Variants in MYH10 observed in about 807,000 individuals in gnomAD.
MYH10 encodes myosin-10.
In MYH10, 55 loss-of-function variants were observed where a neutral mutation model predicts 257.8. That is an observed-to-expected ratio of 0.21 (90% CI 0.17 to 0.27). The LOEUF is 0.27. MYH10 is among the 10% of genes least tolerant of loss of function. The probability of loss-of-function intolerance (pLI) is 1.00; values close to 1 mark genes in which losing one functional copy is unlikely to be tolerated. For missense variants in MYH10, 1,631 were observed against 2,500.6 expected, an observed-to-expected ratio of 0.65 and a Z score of 7.42; for synonymous variants, 854 against 921.7, an observed-to-expected ratio of 0.93 and a Z score of 1.33.
intron 36 of MYH10, 74 bp downstream of exon 36, chr17:8,487,359 A>ACT: frequency 6.4e-7 from 1 of 1,558,534 alleles, no homozygotes; most frequent in Non-Finnish European, 8.8e-7. Context: ...CCCCAGCTTC[A>ACT]CTGCTGGACT....
intron 19 of MYH10, among the ~76,000 whole-genome samples, chr17:8,519,800 A>G (rs2081589383): frequency 6.6e-6 from 1 of 152,114 alleles, no homozygotes. Context: ...ATACTTTCAA[A>G]TCTGATTTCC....
intron 3 of MYH10, among the ~76,000 whole-genome samples, chr17:8,597,076 A>G (rs1233039893): frequency 3.3e-5 from 5 of 152,202 alleles, no homozygotes; most frequent in Admixed American, 3.3e-4. Context: ...TGTGTAGTTC[A>G]AATTGATGTA....
At chr17:8,558,555 C>T (rs747222182) in intron 7 of MYH10, among the ~76,000 whole-genome samples, 3 of 152,176 alleles carry the variant, frequency 2.0e-5, no homozygotes, top group Non-Finnish European at 4.4e-5. Context: ...CCTTGGCACA[C>T]TGCAATCTAA....
intron 4 of MYH10, among the ~76,000 whole-genome samples, chr17:8,578,027 A>G (rs2083564422): frequency 6.6e-6 from 1 of 152,124 alleles, no homozygotes; most frequent in South Asian, 2.1e-4. Context: ...AATTAATATG[A>G]TTTAATCTGA....
At chr17:8,568,407 C>T (rs542991750) in intron 7 of MYH10, among the ~76,000 whole-genome samples, 7 of 152,150 alleles carry the variant, frequency 4.6e-5, no homozygotes, top group Admixed American at 2.6e-4. Flanking sequence ...TGAATCTGGT[C>T]GCTTCCACTA....
chr17:8,521,074 G>C lies in MYH10; in HGVS notation c.2151+18C>G. 1.9e-6 allele frequency: 3 copies of C among 1,613,974 alleles called. No individual in the cohort carries two copies. The highest frequency in any genetic ancestry group is 2.5e-6 in the Non-Finnish European group (3 of 1,179,814). ...AGATCAGTTTTAAATACTAGCATAT[G>C]TTTTGCTCAGCACGTACCCTCTTCT... On this transcript the variant is annotated intron_variant, in intron 18 of 42. Coordinates refer to ENST00000360416, the MANE Select transcript of MYH10 (RefSeq NM_001256012.3).
chr17:8,476,974 G>A lies in MYH10; in HGVS notation c.5781C>T (p.Ala1927=). ...GCTGGAGTTTACGCCGAGATGCGTT[G>A]GCACGCGTCGCTTCTTCTTCTGCTT... ...LEEAEEEATR[A]NASRRKLQRE... Residue 1927 remains alanine (A), a synonymous_variant, in exon 42 of 43, where the codon GCC becomes GCT. Coordinates refer to ENST00000360416, the MANE Select transcript of MYH10 (RefSeq NM_001256012.3). 6 of 1,614,152 alleles carry A rather than the reference G, an allele frequency of 3.7e-6. No homozygotes were observed. Among genetic ancestry groups the A allele is most frequent in the Non-Finnish European group, 5.1e-6 (6 of 1,180,044 alleles).
chr17:8,546,149 C>A (rs975288192), intron 12 of MYH10, among the ~76,000 whole-genome samples: 1 of 152,064 alleles, frequency 6.6e-6, no homozygotes, highest in East Asian at 1.9e-4. Flanking sequence ...ACCTCCGCCT[C>A]CTGGGTTCAA....
rs2270743 is a variant in MYH10, at chr17:8,490,661, C to T, written c.4672-109G>A. 0.42 allele frequency: 446,659 copies of T among 1,066,572 alleles called. 94,013 individuals carry two copies. Among genetic ancestry groups the T allele is most frequent in the African/African-American group, 0.49 (31,282 of 64,156 alleles). The allele number at this position is 1,066,572 out of a possible 1,614,324, so 66.1% of individuals were successfully genotyped here. A position where few individuals can be genotyped will look rare whatever the true frequency, so the allele number is the denominator to read the frequency against. ...CTCGTGGCATGCTGGCCACTTTGGT[C>T]CCCCTGGGCCGGCCCCCTGCCACAT... On this transcript the variant is annotated intron_variant, in intron 34 of 42. Coordinates refer to ENST00000360416, the MANE Select transcript of MYH10 (RefSeq NM_001256012.3). The surrounding 1 kb of genome is among the most constrained non-coding windows in gnomAD (Gnocchi z 4.1).
chr17:8,609,881 G>GA (rs200605357), intron 2 of MYH10, among the ~76,000 whole-genome samples: 3,902 of 151,662 alleles, frequency 0.026, 82 homozygotes, highest in Middle Eastern at 0.058. Context: ...TTCTTTGAGA[G>GA]AAAATAGCAA....
chr17:8,550,271 C>G (rs924097401), intron 9 of MYH10, among the ~76,000 whole-genome samples: 2 of 151,892 alleles, frequency 1.3e-5, no homozygotes, highest in Non-Finnish European at 2.9e-5. Context: ...GCCATCACAT[C>G]TAGGAAGTGA....
chr17:8,604,826 C>T lies in MYH10; in HGVS notation c.502G>A (p.Asp168Asn). Reference sequence around the variant, plus strand: ...TTAGTATTCAAATATTTCCAATTACCTTGAAGCATGCATCTGTAAGCAGAT... The same window carrying T: ...TTAGTATTCAAATATTTCCAATTACTTTGAAGCATGCATCTGTAAGCAGAT... Reference protein sequence around the residue: ...SESAYRCMLQDREDQSILCTG... With the variant: ...SESAYRCMLQNREDQSILCTG... The change falls in exon 3 of 43, where the codon GAT (aspartate) becomes AAT (asparagine). Residue 168 changes from aspartate (D) to asparagine (N), a missense_variant and splice_region_variant. This residue lies in a region of MYH10 where 360 missense variants were observed against 581.9 expected (regional missense o/e 0.62). Transcript: ENST00000360416. 6.6e-7 allele frequency: 1 copy of T among 1,519,346 alleles called. No homozygotes were observed. Among genetic ancestry groups the T allele is most frequent in the African/African-American group, 1.4e-5 (1 of 71,852 alleles). The allele number at this position is 1,519,346 out of a possible 1,614,324, so 94.1% of individuals were successfully genotyped here.
At position 8,504,207 on chromosome 17, in the gene MYH10, C is replaced by T. The variant is rs1172925069; in HGVS notation, c.3599+487G>A. 6.6e-6 allele frequency among the ~76,000 whole-genome samples: 1 copy of T among 152,200 alleles called. No homozygotes were observed. The highest frequency in any genetic ancestry group is 1.5e-5 in the Non-Finnish European group (1 of 68,012). On this transcript the variant is annotated intron_variant, in intron 28 of 42. Coordinates refer to ENST00000360416, the MANE Select transcript of MYH10 (RefSeq NM_001256012.3). The surrounding 1 kb of genome is among the most constrained non-coding windows in gnomAD (Gnocchi z 5.6). The stretch of plus-strand genomic sequence containing the variant: ...CCTCTGCCCACTGCACACTCTGTCC[C>T]AGTGCGTGCACCAGCCTTCTTCTCA...
chr17:8,547,435 G>C (rs1287284361), intron 11 of MYH10, among the ~76,000 whole-genome samples: 3 of 152,054 alleles, frequency 2.0e-5, no homozygotes, highest in African/African-American at 7.2e-5. Flanking sequence ...GCCCTAATAG[G>C]AGGTGCCACA....
Position 8,521,313 on chromosome 17 carries a change from A to G in MYH10, c.1958-28T>C, listed in dbSNP as rs774880978. On this transcript the variant is annotated intron_variant, in intron 17 of 42. Coordinates refer to ENST00000360416, the MANE Select transcript of MYH10 (RefSeq NM_001256012.3). ...GGGGAGAAGAAAGGAGAAAACAAAT[A>G]TAAGCCAAACCTCACTCGTTAGCAG... is the stretch of plus-strand genomic sequence containing the variant. The G allele has an allele frequency of 2.5e-6, 4 of 1,606,674 alleles. No individual in the cohort carries two copies. In the Admixed American group the frequency reaches 6.7e-5, roughly 27 times the overall value.
At chr17:8,516,360 A>G (rs922522793) in intron 21 of MYH10, among the ~76,000 whole-genome samples, 1 of 152,186 alleles carries the variant, frequency 6.6e-6, no homozygotes, top group African/African-American at 2.4e-5. Flanking sequence ...CTTTTTCCAC[A>G]GTACAATCTG....
chr17:8,569,884 G>T lies in MYH10; in HGVS notation c.664-72C>A. The T allele has an allele frequency of 8.6e-7, 1 of 1,163,702 alleles. No homozygotes were observed. The highest frequency in any genetic ancestry group is 1.6e-5 in the South Asian group (1 of 61,896). 72.1% of individuals were successfully genotyped at this position (1,163,702 alleles called of 1,614,324 possible). A position where few individuals can be genotyped will look rare whatever the true frequency, so the allele number is the denominator to read the frequency against. ...CTAATGTCTTTACTCAAGTCATCAG[G>T]GGAAAAATTTCTAAAAAAGAAACTG... On this transcript the variant is annotated intron_variant, in intron 6 of 42. Coordinates refer to ENST00000360416, the MANE Select transcript of MYH10 (RefSeq NM_001256012.3). The surrounding 1 kb of genome is among the most constrained non-coding windows in gnomAD (Gnocchi z 4.1).
intron 21 of MYH10, among the ~76,000 whole-genome samples, chr17:8,514,197 A>G (rs2081389279): frequency 6.6e-6 from 1 of 152,074 alleles, no homozygotes; most frequent in Non-Finnish European, 1.5e-5. Flanking sequence ...TGCGCACACT[A>G]AGAAACCGAT....
At chr17:8,585,631 T>C (rs552849975) in intron 4 of MYH10, among the ~76,000 whole-genome samples, 1 of 152,210 alleles carries the variant, frequency 6.6e-6, no homozygotes, top group East Asian at 1.9e-4. Flanking sequence ...TGAAAAGCTG[T>C]TACTAAATAT....
Sources: allele counts gnomAD v4.1 joint callset (sites outside exome capture counted in the v4.1 genomes callset), GRCh38; gene constraint gnomAD v4.1.1; regional missense constraint gnomAD v4.1.1; non-coding constraint Gnocchi (gnomAD v3.1); transcripts MANE v1.5; gene names NCBI Gene and HGNC (gene_info 2026-07-23, HGNC 2026-07-21).